The following SORT1 variants were observed in gnomAD, a reference collection of about 807,000 sequenced individuals.
SORT1 encodes sortilin.
A neutral mutation model predicts 101.7 loss-of-function variants in SORT1; 39 were observed. The observed-to-expected ratio is 0.38, with a 90% CI of 0.30 to 0.50. The LOEUF (loss-of-function observed/expected upper bound fraction) is 0.50, where lower values mean the gene tolerates loss of function less well. Ranked by LOEUF, SORT1 falls within the 20% of genes least tolerant of loss-of-function variation. The pLI is 0.90. For synonymous variants in SORT1, 396 were observed against 393.7 expected, an observed-to-expected ratio of 1.01 and a Z score of -0.07; for missense variants, 878 against 1,040.4, an observed-to-expected ratio of 0.84 and a Z score of 2.15.
chr1:109,353,236 G>C (rs938401764), intron 5 of SORT1, among the ~76,000 whole-genome samples: 1 of 150,558 alleles, frequency 6.6e-6, no homozygotes, highest in Non-Finnish European at 1.5e-5. Context: ...GCTGAGGCAG[G>C]AGAAGCACTT....
At position 109,347,491 on chromosome 1, in the gene SORT1, C is replaced by A; in HGVS notation, c.824G>T (p.Gly275Val). 6.2e-7 allele frequency: 1 copy of A among 1,607,852 alleles called. No individual in the cohort carries two copies. The highest frequency in any genetic ancestry group is 2.2e-5 in the East Asian group (1 of 44,834). ...NTIFFTTYAN[G>V]SCKADLGALE... ...GACTAAAATATACTTACTGCAGGAG[C>A]CATTTGCATAGGTTGTAAAGAAGAT... is the stretch of plus-strand genomic sequence containing the variant. Residue 275 changes from glycine (G) to valine (V), a missense_variant, in exon 7 of 20, where the codon GGC (glycine) becomes GTC (valine). Physicochemically the swap from Gly to Val is moderately radical, Grantham distance 109. Around this residue, in one of 2 missense-constraint regions of SORT1, gnomAD observed 684 missense variants for 894.5 expected, o/e 0.76. Coordinates refer to ENST00000256637, the MANE Select transcript of SORT1 (RefSeq NM_002959.7).
At position 109,397,845 on chromosome 1, in the gene SORT1, A is replaced by G; in HGVS notation, c.48T>C (p.His16=). 7.7e-7 allele frequency: 1 copy of G among 1,298,556 alleles called. No individual in the cohort carries two copies. The highest frequency in any genetic ancestry group is 9.9e-7 in the Non-Finnish European group (1 of 1,012,364). The allele number at this position is 1,298,556 out of a possible 1,614,324, so 80.4% of individuals were successfully genotyped here. A position where few individuals can be genotyped will look rare whatever the true frequency, so the allele number is the denominator to read the frequency against. ...GCAGGAGGAGGAGGAGGCCGAGGCC[A>G]TGGGGCCAGCGCGAGAGGCCGTCCG... ...GAADGLSRWP[H]GLGLLLLLQL... The change falls in exon 1 of 20, where the codon CAT becomes CAC. Residue 16 remains histidine, a synonymous_variant. Coordinates refer to ENST00000256637, the MANE Select transcript of SORT1 (RefSeq NM_002959.7).
At chr1:109,397,476 G>A in intron 1 of SORT1, 111 bp downstream of exon 1, 1 of 730,894 alleles carries the variant, frequency 1.4e-6, no homozygotes. Context: ...CGGGGGACGC[G>A]GGCGCGGCAG....
intron 14 of SORT1, among the ~76,000 whole-genome samples, chr1:109,323,577 C>T (rs1647783227): frequency 6.6e-6 from 1 of 152,226 alleles, no homozygotes; most frequent in African/African-American, 2.4e-5. Flanking sequence ...ACCATGTGTT[C>T]ATTGGCTTAA....
At chr1:109,328,753 A>G (rs1648251262) in intron 11 of SORT1, among the ~76,000 whole-genome samples, 1 of 152,212 alleles carries the variant, frequency 6.6e-6, no homozygotes, top group Non-Finnish European at 1.5e-5. Flanking sequence ...CTTGATAAGC[A>G]CCTGATATAC....
intron 2 of SORT1, 62 bp from the exon 3 acceptor site, chr1:109,367,543 G>T: frequency 1.8e-6 from 2 of 1,083,382 alleles, no homozygotes; most frequent in Non-Finnish European, 1.4e-6. Flanking sequence ...GCTGATATGT[G>T]TTCGAGATTA....
intron 6 of SORT1, among the ~76,000 whole-genome samples, chr1:109,349,900 C>T (rs1649849093): frequency 6.6e-6 from 1 of 152,182 alleles, no homozygotes; most frequent in Non-Finnish European, 1.5e-5. Context: ...ACAGGAAACT[C>T]TTGGGATTGT....
intron 8 of SORT1, among the ~76,000 whole-genome samples, 156 bp from the exon 9 acceptor site, chr1:109,342,314 T>G (rs114259186): frequency 0.011 from 1,738 of 152,334 alleles, 18 homozygotes; most frequent in Non-Finnish European, 0.018. Context: ...ACCAAAGCAA[T>G]TTCTAGCCCC....
chr1:109,368,358 T>C (rs1440437712), intron 2 of SORT1: 6 of 150,606 alleles, frequency 4.0e-5, no homozygotes, highest in Non-Finnish European at 8.9e-5. Flanking sequence ...GGGTAAATCA[T>C]GGAAATTAGG....
intron 1 of SORT1, among the ~76,000 whole-genome samples, chr1:109,383,992 G>C (rs1652411975): frequency 6.6e-6 from 1 of 152,190 alleles, no homozygotes; most frequent in Admixed American, 6.5e-5. Flanking sequence ...CATTACCGAA[G>C]TGCGGGGGCT....
intron 17 of SORT1, 71 bp from the exon 18 acceptor site, chr1:109,314,849 C>G: frequency 2.7e-6 from 2 of 750,892 alleles, no homozygotes; most frequent in Non-Finnish European, 4.7e-6. Flanking sequence ...AAGGCAGCCA[C>G]TCATTCCCCT....
At chr1:109,339,779 T>C (rs937252685) in intron 10 of SORT1, among the ~76,000 whole-genome samples, 1 of 152,226 alleles carries the variant, frequency 6.6e-6, no homozygotes, top group African/African-American at 2.4e-5. Flanking sequence ...CAGTTACATG[T>C]ATAACAATGT....
rs1658862814 is a variant in SORT1, at chr1:109,313,806, A to T, written c.*237T>A. The T allele has an allele frequency of 1.8e-6, 1 of 545,582 alleles. No homozygotes were observed. The highest frequency in any genetic ancestry group is 3.6e-5 in the Admixed American group (1 of 27,948). The allele number at this position is 545,582 out of a possible 1,614,324, so 33.8% of individuals were successfully genotyped here. A position where few individuals can be genotyped will look rare whatever the true frequency, so the allele number is the denominator to read the frequency against. ...CAAAGAGACAGGACGAGAAATAAGA[A>T]GTTAAAGAATTTAAAATGTCTCCCT... On this transcript the variant is annotated 3_prime_UTR_variant, in exon 20 of 20. Transcript: ENST00000256637.
chr1:109,382,349 T>G (rs1255919341), intron 1 of SORT1, among the ~76,000 whole-genome samples: 1 of 152,156 alleles, frequency 6.6e-6, no homozygotes, highest in Non-Finnish European at 1.5e-5. Context: ...TTGGCCAGGA[T>G]GGTTTCAAAC....
chr1:109,392,876 C>T (rs1652991658), intron 1 of SORT1: 2 of 985,242 alleles, frequency 2.0e-6, no homozygotes, highest in African/African-American at 1.7e-5. Context: ...AGTTCCTACT[C>T]CTTGATCCAA....
intron 1 of SORT1, chr1:109,389,647 G>C (rs1350188695): frequency 6.6e-6 from 1 of 152,230 alleles, no homozygotes; most frequent in African/African-American, 2.4e-5. Context: ...CTGTTCATAG[G>C]CATCACTGTC....
At chr1:109,375,934 A>G (rs1392488127) in intron 1 of SORT1, among the ~76,000 whole-genome samples, 1 of 152,144 alleles carries the variant, frequency 6.6e-6, no homozygotes, top group African/African-American at 2.4e-5. Flanking sequence ...TTACTAAAAC[A>G]TCACACACAC....
chr1:109,351,151 C>T (rs1336577554), intron 5 of SORT1, 149 bp from the exon 6 acceptor site: 6 of 667,462 alleles, frequency 9.0e-6, no homozygotes, highest in Admixed American at 7.2e-5. Flanking sequence ...CAGACACACA[C>T]GTAGTTTATC....
intron 6 of SORT1, 81 bp from the exon 7 acceptor site, chr1:109,347,613 G>T: frequency 1.0e-6 from 1 of 988,310 alleles, no homozygotes; most frequent in Non-Finnish European, 1.6e-6. Flanking sequence ...AAACTTCCTA[G>T]CAGGTCTAAC....
Sources: allele counts gnomAD v4.1 joint callset (sites outside exome capture counted in the v4.1 genomes callset), GRCh38; gene constraint gnomAD v4.1.1; regional missense constraint gnomAD v4.1.1; transcripts MANE v1.5; gene names NCBI Gene and HGNC (gene_info 2026-07-23, HGNC 2026-07-21).